Variants in NOTCH2 observed in about 807,000 individuals in gnomAD.
NOTCH2 encodes the protein notch receptor 2.
Under a neutral mutation model 235.8 loss-of-function variants are expected in NOTCH2, and 29 were observed. That is an observed-to-expected ratio of 0.12 (90% CI 0.09 to 0.17). NOTCH2 has a LOEUF of 0.17. Ranked by LOEUF, NOTCH2 falls within the 10% of genes least tolerant of loss-of-function variation. The pLI is 1.00. For missense variants in NOTCH2, 2,285 were observed against 3,150.2 expected, an observed-to-expected ratio of 0.73 and a Z score of 6.57; for synonymous variants, 1,086 against 1,141.5, an observed-to-expected ratio of 0.95 and a Z score of 0.98.
At chr1:120,065,583 T>C (rs1437597547) in intron 1 of NOTCH2, among the ~76,000 whole-genome samples, 5 of 152,110 alleles carry the variant, frequency 3.3e-5, no homozygotes, top group African/African-American at 1.2e-4. Flanking sequence ...ACAATGAACA[T>C]CAGAAAATGG....
rs587725973 is a variant in NOTCH2 at position 119,925,757 on chromosome 1, C to T, written c.4059G>A (p.Lys1353=). 1.9e-6 allele frequency: 3 copies of T among 1,614,052 alleles called. No homozygotes were observed. The highest frequency in any genetic ancestry group is 2.5e-6 in the Non-Finnish European group (3 of 1,180,034). ...AGGCGGTGTGCACACACTGCTCCCCCTTCCTACATTTCACTTGTCCACAGC... is the reference window on the plus strand; with the variant it reads ...AGGCGGTGTGCACACACTGCTCCCCTTTCCTACATTTCACTTGTCCACAGC... ...QSSCGQVKCR[K]GEQCVHTASG... The change falls in exon 25 of 34, where the codon AAG becomes AAA. Residue 1353 remains lysine (K), a synonymous_variant. Coordinates refer to ENST00000256646, the MANE Select transcript of NOTCH2 (RefSeq NM_024408.4).
chr1:120,045,752 CA>C (rs1248950639), intron 1 of NOTCH2, among the ~76,000 whole-genome samples: 1 of 152,256 alleles, frequency 6.6e-6, no homozygotes, highest in Non-Finnish European at 1.5e-5. Flanking sequence ...AATTATTTTG[CA>C]AAGGGATATT....
chr1:119,985,339 C>A (rs1651974139), intron 5 of NOTCH2, among the ~76,000 whole-genome samples: 1 of 152,136 alleles, frequency 6.6e-6, no homozygotes, highest in South Asian at 2.1e-4. Flanking sequence ...ATCTCCACCA[C>A]CCTTTTTGGA....
At chr1:119,916,800 T>G in intron 33 of NOTCH2, 106 bp from the exon 34 acceptor site, 1 of 1,115,822 alleles carries the variant, frequency 9.0e-7, no homozygotes, top group South Asian at 1.3e-5. Flanking sequence ...GTTTTCCTAA[T>G]TATCTCCCCG....
intron 3 of NOTCH2, among the ~76,000 whole-genome samples, chr1:119,999,772 C>T (rs1652637167): frequency 1.3e-5 from 2 of 152,044 alleles, no homozygotes; most frequent in East Asian, 1.9e-4. Flanking sequence ...ATCCCAGCTA[C>T]CTGGGAGGCT....
At chr1:120,048,446 T>C (rs1358422784) in intron 1 of NOTCH2, among the ~76,000 whole-genome samples, 16 of 83,854 alleles carry the variant, frequency 1.9e-4, no homozygotes, top group African/African-American at 7.9e-4. Context: ...CCAATACCAC[T>C]TTTTTTTTTT....
chr1:119,953,777 G>A (rs1650578367), intron 13 of NOTCH2, 89 bp from the exon 14 acceptor site: 1 of 1,126,286 alleles, frequency 8.9e-7, no homozygotes, highest in Non-Finnish European at 1.3e-6. Context: ...AAGAAATGGG[G>A]TAAACTGATC....
chr1:119,934,970 A>T, intron 22 of NOTCH2: 5 of 380,510 alleles, frequency 1.3e-5, no homozygotes, highest in Non-Finnish European at 1.8e-5. Flanking sequence ...ATCTCTCATC[A>T]GGCCTTACTG....
chr1:119,960,214 CA>C (rs1160420757), intron 11 of NOTCH2, among the ~76,000 whole-genome samples: 2 of 151,962 alleles, frequency 1.3e-5, no homozygotes, highest in African/African-American at 2.4e-5. Context: ...GTATTTTTGC[CA>C]AAGATAAAAC....
chr1:119,967,129 G>C (rs1553199762), intron 8 of NOTCH2, among the ~76,000 whole-genome samples: 1 of 152,144 alleles, frequency 6.6e-6, no homozygotes, highest in East Asian at 1.9e-4. Context: ...AAGGTATCAG[G>C]AAAACTTGCT....
chr1:120,048,401 T>A (rs1371619139), intron 1 of NOTCH2, among the ~76,000 whole-genome samples: 4 of 135,248 alleles, frequency 3.0e-5, no homozygotes, highest in Non-Finnish European at 6.1e-5. Context: ...GACTAAAGCA[T>A]GCAGTAAAGA....
At chr1:119,999,243 C>T (rs587676059) in intron 3 of NOTCH2, among the ~76,000 whole-genome samples, 2 of 148,816 alleles carry the variant, frequency 1.3e-5, no homozygotes, top group African/African-American at 2.6e-5. Context: ...TTTGTTAATA[C>T]TCCAGTTGAT....
At chr1:119,962,674 C>T (rs1650982016) in intron 11 of NOTCH2, among the ~76,000 whole-genome samples, 2 of 152,160 alleles carry the variant, frequency 1.3e-5, no homozygotes, top group Non-Finnish European at 2.9e-5. Context: ...AGGTCATTTT[C>T]CTTACATCCA....
chr1:120,009,766 T>C (rs1415708960), intron 2 of NOTCH2, among the ~76,000 whole-genome samples: 1 of 149,798 alleles, frequency 6.7e-6, no homozygotes, highest in Non-Finnish European at 1.5e-5. Flanking sequence ...TGACTCCCTC[T>C]GTCTAACTCA....
chr1:119,911,898 T>C lies in NOTCH2; in HGVS notation c.*3408A>G, dbSNP rs1648906042. ...TGCTTTTTCCCCAGGATCATTTATT[T>C]ATGATCTAATTAAAGGAAGAAAAAA... is the stretch of plus-strand genomic sequence containing the variant. On this transcript the variant is annotated 3_prime_UTR_variant, in exon 34 of 34. Transcript: ENST00000256646. 4.3e-6 allele frequency: 1 copy of C among 233,098 alleles called. No homozygotes were observed. The highest frequency in any genetic ancestry group is 1.8e-4 in the South Asian group (1 of 5,534). The allele number at this position is 233,098 out of a possible 1,614,324, so 14.4% of individuals were successfully genotyped here.
In NOTCH2 at chr1:119,912,040, A is replaced by C. The variant is rs1648913605; in HGVS notation, c.*3266T>G. On this transcript the variant is annotated 3_prime_UTR_variant, in exon 34 of 34. Transcript: ENST00000256646. ...CCATGGATGCAGTATTGGAAAATAA[A>C]AAATACAACACCACTGAGCTTGGCA... 4.3e-6 allele frequency: 1 copy of C among 233,620 alleles called. No individual in the cohort carries two copies. Among genetic ancestry groups the C allele is most frequent in the Admixed American group, 5.6e-5 (1 of 17,788 alleles). 14.5% of individuals were successfully genotyped at this position (233,620 alleles called of 1,614,324 possible).
chr1:119,941,711 A>C lies in NOTCH2; in HGVS notation c.2796T>G (p.Thr932=), dbSNP rs369892744. The change falls in exon 18 of 34, where the codon ACT becomes ACG. Residue 932 remains threonine (T), a synonymous_variant. Transcript: ENST00000256646. ...AACCCGGAAGGCAGAGGCAGGAGAA[A>C]GTATTCACTCCATCCATACAGGAAC... ...NGGSCMDGVN[T]FSCLCLPGFT... 91 of 1,614,072 alleles carry C rather than the reference A, an allele frequency of 5.6e-5. No individual in the cohort carries two copies. Among genetic ancestry groups the C allele is most frequent in the Non-Finnish European group, 2.0e-5 (24 of 1,180,038 alleles).
chr1:119,921,995 C>T (rs1372544563), intron 28 of NOTCH2, among the ~76,000 whole-genome samples, 186 bp from the exon 29 acceptor site: 4 of 152,062 alleles, frequency 2.6e-5, no homozygotes, highest in African/African-American at 7.3e-5. Flanking sequence ...TCCCATTGAT[C>T]GTGAGCTTAC....
rs1440696411 is a variant in NOTCH2, at chr1:119,983,359, C to T, written c.874+3601G>A. Among the ~76,000 whole-genome samples, 9 of 151,918 alleles carry T rather than the reference C, an allele frequency of 5.9e-5. No homozygotes were observed. In the East Asian group the frequency reaches 1.4e-3, roughly 23 times the overall value. ...GTAGAGACAGGGTTTTGCCATGTTA[C>T]GCAGGCTGTTCTCAAACTCCTGGGC... On this transcript the variant is annotated intron_variant, in intron 5 of 33. Coordinates refer to ENST00000256646, the MANE Select transcript of NOTCH2 (RefSeq NM_024408.4).
Sources: allele counts gnomAD v4.1 joint callset (sites outside exome capture counted in the v4.1 genomes callset), GRCh38; gene constraint gnomAD v4.1.1; transcripts MANE v1.5; gene names NCBI Gene and HGNC (gene_info 2026-07-23, HGNC 2026-07-21).